USP34: variants seen among roughly 807,000 people sequenced by gnomAD.
The protein encoded by USP34 is ubiquitin specific peptidase 34, also known as ubiquitin carboxyl-terminal hydrolase 34.
A neutral mutation model predicts 460.3 loss-of-function variants in USP34; 70 were observed. The observed-to-expected ratio is 0.15, with a 90% confidence interval of 0.13 to 0.19. The LOEUF is 0.19. Ranked by LOEUF, USP34 falls within the 10% of genes least tolerant of loss-of-function variation. The pLI, the probability that USP34 is intolerant of heterozygous loss-of-function variation, is 1.00. For synonymous variants in USP34, 1,647 were observed against 1,405.3 expected (o/e 1.17, Z -3.85); for missense variants, 3,985 against 4,236.2 (o/e 0.94, Z 1.65).
chr2:61,292,254 TAAGA>T (rs2103617384), intron 33 of USP34, among the ~76,000 whole-genome samples: 1 of 151,418 alleles, frequency 6.6e-6, no homozygotes, highest in East Asian at 1.9e-4. Context: ...AAAAAAAAAA[TAAGA>T]AACAAGAACA....
At chr2:61,386,675 G>A (rs186792316) in intron 5 of USP34, among the ~76,000 whole-genome samples, 170 of 152,036 alleles carry the variant, frequency 1.1e-3, no homozygotes, top group Non-Finnish European at 1.9e-3. Flanking sequence ...CTGCAGTCTC[G>A]GCTACTTAGG....
chr2:61,224,252 A>G (rs1352760254), intron 62 of USP34, among the ~76,000 whole-genome samples: 1 of 152,188 alleles, frequency 6.6e-6, no homozygotes, highest in Non-Finnish European at 1.5e-5. Context: ...TTTGCAATTT[A>G]TCTGTTGAAG....
At chr2:61,212,610 T>C (rs910286756) in intron 68 of USP34, among the ~76,000 whole-genome samples, 4 of 152,224 alleles carry the variant, frequency 2.6e-5, no homozygotes, top group Non-Finnish European at 4.4e-5. Flanking sequence ...CATATGCACA[T>C]GTCAGGAGAG....
At chr2:61,221,091 GAGA>G (rs1261901706) in intron 66 of USP34, among the ~76,000 whole-genome samples, 17 of 152,172 alleles carry the variant, frequency 1.1e-4, no homozygotes, top group Middle Eastern at 3.2e-3. Context: ...ACCCTTTTGG[GAGA>G]AGATTTGCTG....
intron 1 of USP34, among the ~76,000 whole-genome samples, chr2:61,447,741 A>T (rs549773507): frequency 6.6e-6 from 1 of 152,288 alleles, no homozygotes; most frequent in East Asian, 1.9e-4. Flanking sequence ...TATTTGAGAC[A>T]GTCTCACTCT....
At chr2:61,239,276 T>C (rs1688172419) in intron 53 of USP34, among the ~76,000 whole-genome samples, 1 of 139,880 alleles carries the variant, frequency 7.1e-6, no homozygotes, top group Admixed American at 7.3e-5. Flanking sequence ...TGATTAAGCT[T>C]CCTCACTTTA....
intron 62 of USP34, among the ~76,000 whole-genome samples, chr2:61,226,109 G>A (rs759302924): frequency 6.6e-6 from 1 of 152,150 alleles, no homozygotes; most frequent in Non-Finnish European, 1.5e-5. Flanking sequence ...CTACAGGCGT[G>A]TGCCACCACA....
At chr2:61,262,180 TC>T (rs1380168713) in intron 43 of USP34, among the ~76,000 whole-genome samples, 19 of 144,728 alleles carry the variant, frequency 1.3e-4, no homozygotes, top group African/African-American at 4.9e-4. Flanking sequence ...TACACAGGTC[TC>T]CTTTTTTTTT....
intron 6 of USP34, among the ~76,000 whole-genome samples, chr2:61,381,799 C>A (rs1178506959): frequency 6.6e-6 from 1 of 152,140 alleles, no homozygotes; most frequent in African/African-American, 2.4e-5. Context: ...ACAACTCTTA[C>A]ATTAATGAAA....
intron 1 of USP34, among the ~76,000 whole-genome samples, chr2:61,431,157 A>G (rs915398122): frequency 6.6e-6 from 1 of 152,182 alleles, no homozygotes; most frequent in African/African-American, 2.4e-5. Flanking sequence ...GGAGGAATAC[A>G]TTCTAGTGTT....
At chr2:61,203,044 G>C (rs1250274006) in intron 75 of USP34, 96 bp downstream of exon 75, 4 of 1,287,162 alleles carry the variant, frequency 3.1e-6, no homozygotes, top group Non-Finnish European at 4.1e-6. Flanking sequence ...TTTAAAAAAA[G>C]AAAAAAAGGA....
intron 47 of USP34, 95 bp from the exon 48 acceptor site, chr2:61,256,573 C>CA (rs34025877): frequency 3.4e-6 from 3 of 887,508 alleles, no homozygotes; most frequent in East Asian, 3.2e-5. Context: ...GAATGCTCAG[C>CA]AAAAAAATTT....
chr2:61,384,395 C>T (rs1423538120), intron 5 of USP34, among the ~76,000 whole-genome samples: 1 of 152,090 alleles, frequency 6.6e-6, no homozygotes, highest in Non-Finnish European at 1.5e-5. Flanking sequence ...TCTGGACAGG[C>T]GCGGTGGCTC....
Position 61,188,039 on chromosome 2 carries a change from C to CTT in USP34, c.*61_*62dup. The stretch of plus-strand genomic sequence containing the variant: ...GAAGCACAAAAACAAATAAGCAAAA[C>CTT]TTATACAAACAGCATGGGGGTTGGG... On this transcript the variant is annotated 3_prime_UTR_variant, in exon 80 of 80. Transcript: ENST00000398571. 9 of 1,539,378 alleles carry CTT rather than the reference C, an allele frequency of 5.8e-6. No individual in the cohort carries two copies. Among genetic ancestry groups the CTT allele is most frequent in the South Asian group, 2.6e-5 (2 of 76,808 alleles).
chr2:61,259,955 TTG>T (rs1357738592), intron 43 of USP34, among the ~76,000 whole-genome samples, 179 bp from the exon 44 acceptor site: 1 of 152,216 alleles, frequency 6.6e-6, no homozygotes, highest in Non-Finnish European at 1.5e-5. Flanking sequence ...TTGTAATGCT[TTG>T]TTACATAAAT....
At chr2:61,259,939 T>TA (rs1688829745) in intron 43 of USP34, among the ~76,000 whole-genome samples, 163 bp from the exon 44 acceptor site, 1 of 152,194 alleles carries the variant, frequency 6.6e-6, no homozygotes, top group African/African-American at 2.4e-5. Context: ...ATTATAGCAT[T>TA]AAAAATTGTA....
intron 57 of USP34, among the ~76,000 whole-genome samples, chr2:61,234,181 G>A (rs1687998283): frequency 6.6e-6 from 1 of 152,188 alleles, no homozygotes; most frequent in Non-Finnish European, 1.5e-5. Context: ...TGAAATTTCT[G>A]AGGAATAGAT....
intron 66 of USP34, among the ~76,000 whole-genome samples, 155 bp downstream of exon 66, chr2:61,221,347 G>A (rs1000457911): frequency 7.2e-5 from 11 of 152,166 alleles, no homozygotes; most frequent in African/African-American, 2.7e-4. Context: ...ATACAACTAG[G>A]AGACTAGCTA....
At chr2:61,318,156 G>A (rs944962162) in intron 22 of USP34, among the ~76,000 whole-genome samples, 1 of 140,388 alleles carries the variant, frequency 7.1e-6, no homozygotes, top group Non-Finnish European at 1.5e-5. Context: ...TCACACTACT[G>A]CACTCCAGCC....
Sources: allele counts gnomAD v4.1 joint callset (sites outside exome capture counted in the v4.1 genomes callset), GRCh38; gene constraint gnomAD v4.1.1; transcripts MANE v1.5; gene names NCBI Gene and HGNC (gene_info 2026-07-23, HGNC 2026-07-21).